Variants in MYO5A observed in about 807,000 individuals in gnomAD.
MYO5A encodes the protein unconventional myosin-Va.
MYO5A carries 98 observed loss-of-function variants against 249.7 expected under a neutral mutation model. The ratio of observed to expected loss-of-function variants is 0.39; its 90% CI spans 0.33 to 0.46. The LOEUF is 0.46. Ranked by LOEUF, MYO5A falls within the 20% of genes least tolerant of loss-of-function variation. The probability of loss-of-function intolerance (pLI) is 0.98; values close to 1 mark genes in which losing one functional copy is unlikely to be tolerated. For synonymous variants in MYO5A, 778 were observed against 810.6 expected (o/e 0.96, Z 0.68); for missense variants, 1,696 against 2,308.8 (o/e 0.73, Z 5.44).
At chr15:52,434,782 C>T (rs988225856) in intron 1 of MYO5A, among the ~76,000 whole-genome samples, 5 of 152,222 alleles carry the variant, frequency 3.3e-5, no homozygotes, top group African/African-American at 1.2e-4. Context: ...TGCCCATTTT[C>T]ATGAACAAAT....
chr15:52,352,909 C>T (rs2040028396), intron 27 of MYO5A, among the ~76,000 whole-genome samples: 2 of 152,256 alleles, frequency 1.3e-5, no homozygotes, highest in Admixed American at 6.5e-5. Flanking sequence ...CTCTCCCTTC[C>T]CCATTCTCCC....
chr15:52,525,641 C>T (rs2077717259), intron 1 of MYO5A, among the ~76,000 whole-genome samples: 1 of 152,160 alleles, frequency 6.6e-6, no homozygotes, highest in Admixed American at 6.5e-5. Flanking sequence ...TACATCTTTC[C>T]TTGTAATCTA....
At chr15:52,489,845 T>A (rs2076900205) in intron 1 of MYO5A, among the ~76,000 whole-genome samples, 1 of 152,014 alleles carries the variant, frequency 6.6e-6, no homozygotes. Context: ...AAAACAAAAA[T>A]AAAAGAATTC....
At chr15:52,496,287 T>A (rs967803586) in intron 1 of MYO5A, among the ~76,000 whole-genome samples, 1 of 152,144 alleles carries the variant, frequency 6.6e-6, no homozygotes, top group Admixed American at 6.5e-5. Flanking sequence ...TGCTCATTTG[T>A]GTATATCTGC....
chr15:52,390,338 C>CA, intron 12 of MYO5A, among the ~76,000 whole-genome samples: 1 of 152,076 alleles, frequency 6.6e-6, no homozygotes. Flanking sequence ...GATTATTATA[C>CA]ATCGCATGCC....
chr15:52,519,536 C>T (rs187338804), intron 1 of MYO5A, among the ~76,000 whole-genome samples: 1 of 151,874 alleles, frequency 6.6e-6, no homozygotes, highest in Admixed American at 6.6e-5. Flanking sequence ...TGCTTGAGCC[C>T]AGGAGTTCGA....
intron 24 of MYO5A, 64 bp downstream of exon 24, chr15:52,364,490 T>A: frequency 6.8e-7 from 1 of 1,470,676 alleles, no homozygotes; most frequent in Non-Finnish European, 9.3e-7. Context: ...ATTCTACTAT[T>A]CTATTTACTT....
chr15:52,376,046 C>T (rs1221120604), intron 19 of MYO5A, among the ~76,000 whole-genome samples: 1 of 152,206 alleles, frequency 6.6e-6, no homozygotes, highest in Non-Finnish European at 1.5e-5. Context: ...TTACCTAGCT[C>T]ATATTCACGA....
chr15:52,507,893 T>TA (rs994154399), intron 1 of MYO5A, among the ~76,000 whole-genome samples: 186 of 151,914 alleles, frequency 1.2e-3, no homozygotes, highest in Admixed American at 4.1e-3. Context: ...ATAAATTATT[T>TA]AAAATAGACA....
intron 2 of MYO5A, among the ~76,000 whole-genome samples, chr15:52,430,560 T>C (rs2075504971): frequency 6.6e-6 from 1 of 152,220 alleles, no homozygotes; most frequent in Admixed American, 6.5e-5. Flanking sequence ...TAAGTGACTA[T>C]AGTTTCTAAA....
chr15:52,350,836 T>A (rs953066852), intron 28 of MYO5A, among the ~76,000 whole-genome samples: 1 of 152,212 alleles, frequency 6.6e-6, no homozygotes, highest in Non-Finnish European at 1.5e-5. Flanking sequence ...CTCACTGATG[T>A]CACTTCTAAC....
chr15:52,420,116 G>C (rs2043716872), intron 4 of MYO5A, among the ~76,000 whole-genome samples: 1 of 151,984 alleles, frequency 6.6e-6, no homozygotes, highest in South Asian at 2.1e-4. Flanking sequence ...GACCAGCCTG[G>C]GCAACATAGT....
chr15:52,384,459 T>C, intron 14 of MYO5A, 137 bp from the exon 15 acceptor site: 1 of 880,258 alleles, frequency 1.1e-6, no homozygotes, highest in Non-Finnish European at 1.8e-6. Context: ...TCAGTATCTG[T>C]GCTAAGAGCC....
Position 52,375,497 on chromosome 15 carries a change from A to C in MYO5A, c.2421-37T>G. 3 of 1,611,096 alleles carry C rather than the reference A, an allele frequency of 1.9e-6. No individual in the cohort carries two copies. In the South Asian group the frequency reaches 3.3e-5, roughly 18 times the overall value. On this transcript the variant is annotated intron_variant, in intron 19 of 41. Transcript: ENST00000399233. The stretch of plus-strand genomic sequence containing the variant: ...AAATAACATTATGTTGTCAGTAATC[A>C]GAAAAAAATGCAGGAATACATATTA...
At chr15:52,344,774 C>G (rs562456575) in intron 30 of MYO5A, among the ~76,000 whole-genome samples, 3 of 152,326 alleles carry the variant, frequency 2.0e-5, no homozygotes, top group African/African-American at 7.2e-5. Context: ...TCTCAGCTGT[C>G]TCCCCAGCAG....
intron 1 of MYO5A, among the ~76,000 whole-genome samples, chr15:52,519,467 C>T (rs1240775397): frequency 6.6e-6 from 1 of 151,972 alleles, no homozygotes; most frequent in Non-Finnish European, 1.5e-5. Flanking sequence ...AAAAAATTAG[C>T]CAGGCATGGT....
At chr15:52,418,853 CT>C (rs1371192011) in intron 4 of MYO5A, among the ~76,000 whole-genome samples, 1 of 152,042 alleles carries the variant, frequency 6.6e-6, no homozygotes, top group Non-Finnish European at 1.5e-5. Context: ...TCTGTCGGGT[CT>C]TTCCTTATAG....
chr15:52,331,110 T>C (rs984547055), intron 34 of MYO5A, among the ~76,000 whole-genome samples: 2 of 152,234 alleles, frequency 1.3e-5, no homozygotes, highest in African/African-American at 4.8e-5. Context: ...AAAGACCTAA[T>C]TTTCTCCTGC....
At chr15:52,338,900 T>A (rs2039247184) in intron 32 of MYO5A, among the ~76,000 whole-genome samples, 1 of 152,242 alleles carries the variant, frequency 6.6e-6, no homozygotes, top group Non-Finnish European at 1.5e-5. Flanking sequence ...TGTATGCCAA[T>A]CAATCAACTT....
Sources: allele counts gnomAD v4.1 joint callset (sites outside exome capture counted in the v4.1 genomes callset), GRCh38; gene constraint gnomAD v4.1.1; transcripts MANE v1.5; gene names NCBI Gene and HGNC (gene_info 2026-07-23, HGNC 2026-07-21).